Variants in SCN3A observed in about 807,000 individuals in gnomAD.
SCN3A encodes sodium channel protein type 3 subunit alpha.
Under a neutral mutation model 187.6 loss-of-function variants are expected in SCN3A, and 60 were observed. That is an observed-to-expected ratio of 0.32 (90% CI 0.26 to 0.40). The LOEUF is 0.40. Ranked by LOEUF, SCN3A falls within the 10% of genes least tolerant of loss-of-function variation. The pLI is 1.00. For synonymous variants in SCN3A, 788 were observed against 829.2 expected (o/e 0.95, Z 0.85); for missense variants, 1,601 against 2,428.2 (o/e 0.66, Z 7.16).
chr2:165,129,074 G>T (rs1486616685), intron 17 of SCN3A, among the ~76,000 whole-genome samples: 1 of 152,102 alleles, frequency 6.6e-6, no homozygotes, highest in Non-Finnish European at 1.5e-5. Flanking sequence ...AGAATCTAGA[G>T]CTCCCTAATT....
intron 22 of SCN3A, 64 bp from the exon 23 acceptor site, chr2:165,097,588 G>A (rs1685419616): frequency 1.3e-6 from 2 of 1,579,410 alleles, no homozygotes; most frequent in Admixed American, 3.3e-5. Context: ...TTCCTTCAAT[G>A]TATTTGTTTA....
chr2:165,162,405 T>A (rs761617323), intron 8 of SCN3A, 34 bp from the exon 9 acceptor site: 1 of 1,604,842 alleles, frequency 6.2e-7, no homozygotes, highest in South Asian at 1.1e-5. Flanking sequence ...TTTTATTTCA[T>A]ATTAATCCTA....
intron 21 of SCN3A, among the ~76,000 whole-genome samples, chr2:165,104,956 G>T (rs569641416): frequency 6.6e-6 from 1 of 152,250 alleles, no homozygotes; most frequent in South Asian, 2.1e-4. Flanking sequence ...AAACATTCTG[G>T]ACTGTGGAAA....
chr2:165,126,370 C>G (rs1239754554), intron 18 of SCN3A, among the ~76,000 whole-genome samples: 1 of 151,488 alleles, frequency 6.6e-6, no homozygotes, highest in Non-Finnish European at 1.5e-5. Context: ...GAACAATTTC[C>G]TTCCTTCCTT....
chr2:165,152,124 A>C (rs1476320349), intron 11 of SCN3A, among the ~76,000 whole-genome samples: 2 of 152,200 alleles, frequency 1.3e-5, no homozygotes, highest in South Asian at 4.1e-4. Context: ...AAAAAGTAAA[A>C]TTGACAGTGT....
chr2:165,184,544 A>T (rs1691105321), intron 2 of SCN3A, among the ~76,000 whole-genome samples: 1 of 151,758 alleles, frequency 6.6e-6, no homozygotes, highest in Non-Finnish European at 1.5e-5. Context: ...CAAAATGAGA[A>T]GATTCTTGAT....
intron 5 of SCN3A, among the ~76,000 whole-genome samples, chr2:165,165,977 G>A (rs1195814076): frequency 6.6e-6 from 1 of 152,152 alleles, no homozygotes; most frequent in African/African-American, 2.4e-5. Flanking sequence ...TGTTTACTGT[G>A]TTGTAGTTTG....
chr2:165,203,265 C>G (rs1454397275), intron 1 of SCN3A, among the ~76,000 whole-genome samples: 2 of 151,936 alleles, frequency 1.3e-5, no homozygotes, highest in Admixed American at 1.3e-4. Flanking sequence ...AAGGTTCAAC[C>G]TCTTTTAAAT....
chr2:165,122,830 TG>T (rs1686775863), intron 18 of SCN3A: 2 of 152,164 alleles, frequency 1.3e-5, no homozygotes, highest in South Asian at 4.1e-4. Context: ...GTAAAAGTGG[TG>T]GCACGAGCCT....
At chr2:165,156,911 T>C (rs1689087199) in intron 9 of SCN3A, among the ~76,000 whole-genome samples, 1 of 149,960 alleles carries the variant, frequency 6.7e-6, no homozygotes, top group Admixed American at 6.6e-5. Flanking sequence ...GTTTTTTTCT[T>C]TTTTTTTGTT....
chr2:165,147,423 T>C (rs1468665099), intron 11 of SCN3A, among the ~76,000 whole-genome samples: 1 of 152,132 alleles, frequency 6.6e-6, no homozygotes. Flanking sequence ...TGTGCACTTC[T>C]GAGCAGCTGA....
At chr2:165,152,883 C>A (rs1242976157) in intron 11 of SCN3A, among the ~76,000 whole-genome samples, 1 of 151,212 alleles carries the variant, frequency 6.6e-6, no homozygotes, top group Admixed American at 6.6e-5. Context: ...AACAAACCTG[C>A]ATGTTGTGCA....
chr2:165,176,086 A>T (rs771785504), intron 3 of SCN3A, 45 bp downstream of exon 3: 4 of 1,585,180 alleles, frequency 2.5e-6, no homozygotes, highest in Non-Finnish European at 3.5e-6. Flanking sequence ...ATTACAGTTA[A>T]GAGTTTCATT....
intron 21 of SCN3A, among the ~76,000 whole-genome samples, chr2:165,108,606 A>G (rs549421314): frequency 8.5e-5 from 13 of 152,288 alleles, no homozygotes; most frequent in African/African-American, 2.6e-4. Flanking sequence ...AGAGATGCTC[A>G]GATGCATTTT....
intron 1 of SCN3A, among the ~76,000 whole-genome samples, chr2:165,191,885 A>G (rs1001421450): frequency 5.9e-5 from 9 of 151,738 alleles, no homozygotes; most frequent in Non-Finnish European, 1.3e-4. Context: ...TACTTTTTTA[A>G]ATCAATGAAT....
chr2:165,095,725 C>G, intron 24 of SCN3A, 77 bp from the exon 25 acceptor site: 2 of 869,910 alleles, frequency 2.3e-6, no homozygotes, highest in Non-Finnish European at 3.6e-6. Flanking sequence ...TTATTGAGTG[C>G]TGTTACTTAA....
At position 165,131,225 on chromosome 2, in the gene SCN3A, GATATAT is replaced by G. The variant is rs202076476; in HGVS notation, c.2565+13_2565+18del. On this transcript the variant is annotated intron_variant, in intron 16 of 27. Coordinates refer to ENST00000283254, the MANE Select transcript of SCN3A (RefSeq NM_006922.4). ...AAATGTTGTGCCAATGAGCGACAGGGATATATATAAATAGATACCAGTCTGAATGAT... is the reference window on the plus strand; with the variant it reads ...AAATGTTGTGCCAATGAGCGACAGGGATAAATAGATACCAGTCTGAATGAT... The G allele has an allele frequency of 6.6e-7, 1 of 1,514,996 alleles. No homozygotes were observed. The highest frequency in any genetic ancestry group is 8.9e-7 in the Non-Finnish European group (1 of 1,119,054). The allele number at this position is 1,514,996 out of a possible 1,614,324, so 93.8% of individuals were successfully genotyped here.
rs6756990 is a variant in SCN3A at position 165,162,193 on chromosome 2, T to C, written c.1031+115A>G. 156,019 of 943,652 alleles carry C rather than the reference T, an allele frequency of 0.17. 18,303 individuals carry two copies. Among genetic ancestry groups the C allele is most frequent in the East Asian group, 0.48 (18,774 of 39,188 alleles). 58.5% of individuals were successfully genotyped at this position (943,652 alleles called of 1,614,324 possible). Reference sequence around the variant, plus strand: ...AAGGCACTTCCTAGGGGAGCAGCACTGCTCTTTATTGCATACATGGTAAGG... The same window carrying C: ...AAGGCACTTCCTAGGGGAGCAGCACCGCTCTTTATTGCATACATGGTAAGG... On this transcript the variant is annotated intron_variant, in intron 9 of 27. Coordinates refer to ENST00000283254, the MANE Select transcript of SCN3A (RefSeq NM_006922.4).
chr2:165,135,058 C>G (rs1403490235), intron 15 of SCN3A, among the ~76,000 whole-genome samples: 1 of 151,994 alleles, frequency 6.6e-6, no homozygotes, highest in Non-Finnish European at 1.5e-5. Flanking sequence ...AGTTAAGGCC[C>G]TAAAAATCAA....
Sources: allele counts gnomAD v4.1 joint callset (sites outside exome capture counted in the v4.1 genomes callset), GRCh38; gene constraint gnomAD v4.1.1; transcripts MANE v1.5; gene names NCBI Gene and HGNC (gene_info 2026-07-23, HGNC 2026-07-21).